AFAP1L2: variants seen among roughly 807,000 people sequenced by gnomAD.
AFAP1L2 encodes the protein actin filament associated protein 1 like 2, also known as actin filament-associated protein 1-like 2.
In AFAP1L2, 46 loss-of-function variants were observed where a neutral mutation model predicts 99.3. The observed-to-expected ratio is 0.46, with a 90% CI of 0.37 to 0.59. The LOEUF is 0.59. Among genes scored for constraint, AFAP1L2 ranks in the 20% least tolerant of loss-of-function variants. The pLI, the probability that AFAP1L2 is intolerant of heterozygous loss-of-function variation, is 0.00. For synonymous variants in AFAP1L2, 397 were observed against 419.1 expected (o/e 0.95, Z 0.64); for missense variants, 959 against 1,034.9 (o/e 0.93, Z 1.01).
At chr10:114,353,856 G>C (rs2050911451) in intron 1 of AFAP1L2, among the ~76,000 whole-genome samples, 1 of 152,158 alleles carries the variant, frequency 6.6e-6, no homozygotes, top group African/African-American at 2.4e-5. Flanking sequence ...AAAAAGGGTG[G>C]AAATGGAAGG....
At chr10:114,304,970 C>T (rs1280766899) in intron 10 of AFAP1L2, 40 bp from the exon 11 acceptor site, 11 of 1,510,396 alleles carry the variant, frequency 7.3e-6, no homozygotes, top group Non-Finnish European at 9.9e-6. Flanking sequence ...GACAGGGCTG[C>T]AGGAGGGGAC....
In AFAP1L2 at chr10:114,320,596, T is replaced by G. The variant is rs2420055; in HGVS notation, c.406+2575A>C. ...CCTCGCAGCTGGTTTTCCTCCATCT[T>G]GGAGCTTTCCTGACCCACTCCACAC... On this transcript the variant is annotated intron_variant, in intron 5 of 18. Transcript: ENST00000304129. Among the ~76,000 whole-genome samples the G allele has an allele frequency of 9.9e-4, 150 of 152,244 alleles. 1 individual carries two copies. The highest frequency in any genetic ancestry group is 3.5e-3 in the African/African-American group (144 of 41,516).
intron 4 of AFAP1L2, among the ~76,000 whole-genome samples, chr10:114,330,551 G>A (rs2047085267): frequency 6.6e-6 from 1 of 152,192 alleles, no homozygotes; most frequent in Non-Finnish European, 1.5e-5. Flanking sequence ...ACACACAGTG[G>A]TGGGGGGGCT....
intron 1 of AFAP1L2, among the ~76,000 whole-genome samples, chr10:114,352,554 G>A (rs2050697342): frequency 6.8e-6 from 1 of 147,474 alleles, no homozygotes; most frequent in Non-Finnish European, 1.5e-5. Context: ...TGTCCTGGTA[G>A]ACAGCAACAG....
At chr10:114,374,639 G>C (rs976021110) in intron 1 of AFAP1L2, among the ~76,000 whole-genome samples, 9 of 151,714 alleles carry the variant, frequency 5.9e-5, no homozygotes, top group African/African-American at 2.2e-4. Context: ...CCAGAGTCCT[G>C]AACTCACCCC....
Position 114,300,219 on chromosome 10 carries a change from C to T in AFAP1L2, c.1932G>A (p.Lys644=), listed in dbSNP as rs2040897862. Residue 644 remains lysine, a synonymous_variant, in exon 15 of 19, where the codon AAG becomes AAA. Transcript: ENST00000304129. ...ATPPGASPPV[K]DRLRVTSAEI... Reference sequence around the variant, plus strand: ...CTGCACTGGTCACGCGCAACCTGTCCTTCACAGGTGGGCTGGCACCAGGTG... The same window carrying T: ...CTGCACTGGTCACGCGCAACCTGTCTTTCACAGGTGGGCTGGCACCAGGTG... 2.5e-6 allele frequency: 4 copies of T among 1,614,198 alleles called. No homozygotes were observed. The highest frequency in any genetic ancestry group is 2.5e-6 in the Non-Finnish European group (3 of 1,180,040).
At chr10:114,361,988 T>C (rs567985058) in intron 1 of AFAP1L2, among the ~76,000 whole-genome samples, 1 of 152,208 alleles carries the variant, frequency 6.6e-6, no homozygotes, top group African/African-American at 2.4e-5. Flanking sequence ...AGCTATTCAA[T>C]TTTTTCTTTC....
At chr10:114,371,495 C>T (rs946911330) in intron 1 of AFAP1L2, among the ~76,000 whole-genome samples, 5 of 151,930 alleles carry the variant, frequency 3.3e-5, no homozygotes, top group African/African-American at 9.7e-5. Flanking sequence ...GAATTTGGGC[C>T]GTGGAAAAAC....
intron 6 of AFAP1L2, 29 bp downstream of exon 6, chr10:114,315,531 G>C: frequency 3.1e-6 from 5 of 1,610,236 alleles, no homozygotes; most frequent in Non-Finnish European, 4.2e-6. Flanking sequence ...AGAGGAGTCG[G>C]GGGACAAGAC....
At chr10:114,330,714 T>A (rs573336318) in intron 4 of AFAP1L2, among the ~76,000 whole-genome samples, 53 of 152,366 alleles carry the variant, frequency 3.5e-4, no homozygotes, top group Non-Finnish European at 6.5e-4. Context: ...CACATCCATA[T>A]GATTTTACAA....
In AFAP1L2 at chr10:114,300,670, G is replaced by A. The variant is rs2040997858; in HGVS notation, c.1563C>T (p.Ala521=). The part of the protein sequence containing the change: ...LTAAVEPTEE[A]TPVADDPNER... ...CATTTGGGTCATCTGCAACAGGGGT[G>A]GCTTCCTCGGTAGGCTCCACCTGCA... is the stretch of plus-strand genomic sequence containing the variant. Residue 521 remains alanine (A), a synonymous_variant, in exon 14 of 19, where the codon GCC becomes GCT. Transcript: ENST00000304129. The A allele has an allele frequency of 6.3e-7, 1 of 1,598,806 alleles. No homozygotes were observed. The highest frequency in any genetic ancestry group is 1.1e-5 in the South Asian group (1 of 87,942).
At chr10:114,302,720 T>C (rs1204253772) in intron 11 of AFAP1L2, among the ~76,000 whole-genome samples, 1 of 152,232 alleles carries the variant, frequency 6.6e-6, no homozygotes, top group Non-Finnish European at 1.5e-5. Flanking sequence ...TGTGGACTTT[T>C]GTCCCAAGGG....
chr10:114,295,477 A>AGAT lies in AFAP1L2; in HGVS notation c.*562_*564dup. On this transcript the variant is annotated 3_prime_UTR_variant, in exon 19 of 19. Transcript: ENST00000304129. ...TATTGTTTCTCAAAACTCATGTCATAGATGGTTTTACAGATGATGGTTTTA... is the reference window on the plus strand; with the variant it reads ...TATTGTTTCTCAAAACTCATGTCATAGATGATGGTTTTACAGATGATGGTTTTA... 4.1e-6 allele frequency: 4 copies of AGAT among 985,526 alleles called. No individual in the cohort carries two copies. Among genetic ancestry groups the AGAT allele is most frequent in the South Asian group, 9.4e-5 (2 of 21,290 alleles). The allele number at this position is 985,526 out of a possible 1,614,324, so 61.0% of individuals were successfully genotyped here.
chr10:114,293,378 G>T (rs1380600125), downstream of AFAP1L2, among the ~76,000 whole-genome samples: 1 of 152,190 alleles, frequency 6.6e-6, no homozygotes, highest in African/African-American at 2.4e-5. Context: ...GTATTTGGGT[G>T]CCCTGATTGA....
At chr10:114,347,540 AT>A (rs1214789501) in intron 1 of AFAP1L2, among the ~76,000 whole-genome samples, 1 of 152,138 alleles carries the variant, frequency 6.6e-6, no homozygotes. Flanking sequence ...CAGTGGTACA[AT>A]CATGACTCAC....
the AFAP1L2 span, chr10:114,289,264 C>T: frequency 3.1e-6 from 5 of 1,614,120 alleles, no homozygotes; most frequent in South Asian, 1.1e-5. Context: ...GCCTGGTGTC[C>T]CCAAAGCTGT....
At chr10:114,303,939 T>C (rs2041675392) in intron 11 of AFAP1L2, among the ~76,000 whole-genome samples, 1 of 152,196 alleles carries the variant, frequency 6.6e-6, no homozygotes. Context: ...GGTAATTTGC[T>C]GAATAACATC....
At chr10:114,281,765 A>G in the AFAP1L2 span, 3 of 985,322 alleles carry the variant, frequency 3.0e-6, no homozygotes, top group East Asian at 2.3e-4. Context: ...TTCTCTCCCC[A>G]TCGAAGCTTT....
the AFAP1L2 span, chr10:114,288,917 C>A: frequency 3.8e-6 from 6 of 1,581,890 alleles, no homozygotes; most frequent in Non-Finnish European, 5.2e-6. Flanking sequence ...ACTGCTGAAG[C>A]CCCTCTGCTT....
Sources: allele counts gnomAD v4.1 joint callset (sites outside exome capture counted in the v4.1 genomes callset), GRCh38; gene constraint gnomAD v4.1.1; transcripts MANE v1.5; gene names NCBI Gene and HGNC (gene_info 2026-07-23, HGNC 2026-07-21).